Variants in APLP2 observed in about 807,000 individuals in gnomAD.
APLP2 encodes the protein amyloid beta precursor like protein 2.
APLP2 carries 53 observed loss-of-function variants against 89.9 expected under a neutral mutation model. The ratio of observed to expected loss-of-function variants is 0.59; its 90% CI spans 0.47 to 0.74. The LOEUF (loss-of-function observed/expected upper bound fraction) is 0.74. Ranked by LOEUF, APLP2 falls within the 30% of genes least tolerant of loss-of-function variation. The pLI, the probability that APLP2 is intolerant of heterozygous loss-of-function variation, is 0.00. For synonymous variants in APLP2, 372 were observed against 348.6 expected (o/e 1.07, Z -0.75); for missense variants, 973 against 975.9 (o/e 1.00, Z 0.04).
At chr11:130,124,778 G>A (rs944147595) in intron 7 of APLP2, among the ~76,000 whole-genome samples, 5 of 152,186 alleles carry the variant, frequency 3.3e-5, no homozygotes, top group African/African-American at 4.8e-5. Flanking sequence ...CAGGAAAGCT[G>A]TTTTTATTCG....
intron 1 of APLP2, among the ~76,000 whole-genome samples, chr11:130,088,863 C>T (rs1944489251): frequency 6.6e-6 from 1 of 151,846 alleles, no homozygotes; most frequent in African/African-American, 2.4e-5. Context: ...GTGGTTCTGC[C>T]TAATCTCTAG....
chr11:130,082,735 G>A, intron 1 of APLP2: 1 of 235,212 alleles, frequency 4.3e-6, no homozygotes, highest in Non-Finnish European at 8.8e-6. Flanking sequence ...GGACAGCCTA[G>A]TTTTGTTAGA....
chr11:130,090,793 G>A (rs867780369), intron 1 of APLP2, among the ~76,000 whole-genome samples: 1 of 152,192 alleles, frequency 6.6e-6, no homozygotes, highest in Admixed American at 6.5e-5. Context: ...CCTCCCAGAC[G>A]GGGTGGTGGC....
chr11:130,071,473 T>C (rs1432181290), intron 1 of APLP2, among the ~76,000 whole-genome samples: 4 of 146,286 alleles, frequency 2.7e-5, no homozygotes, highest in African/African-American at 8.3e-5. Context: ...ATCCCTGATA[T>C]GTCGCATGAA....
intron 1 of APLP2, among the ~76,000 whole-genome samples, chr11:130,091,443 G>A (rs1177808131): frequency 2.2e-5 from 3 of 138,872 alleles, no homozygotes; most frequent in Admixed American, 6.8e-5. Flanking sequence ...AGGGGCGGCC[G>A]GGCAGAGGCG....
rs1261183815 is a variant in APLP2 at position 130,109,712 on chromosome 11, G to A, written c.279+110G>A. Reference sequence around the variant, plus strand: ...TTCTCTTTTGACCTAAGACCAAGATGCTAATGACTGGAGCCCCAAGCCTTT... The same window carrying A: ...TTCTCTTTTGACCTAAGACCAAGATACTAATGACTGGAGCCCCAAGCCTTT... On this transcript the variant is annotated intron_variant, in intron 2 of 16. Coordinates refer to ENST00000338167, the MANE Select transcript of APLP2 (RefSeq NM_001142276.2). 5 of 1,199,728 alleles carry A rather than the reference G, an allele frequency of 4.2e-6. No individual in the cohort carries two copies. The African/African-American group carries it at 7.9e-5, about 19-fold the overall frequency. The allele number at this position is 1,199,728 out of a possible 1,614,324, so 74.3% of individuals were successfully genotyped here.
At chr11:130,108,131 A>G (rs535587682) in intron 1 of APLP2, among the ~76,000 whole-genome samples, 113 of 152,338 alleles carry the variant, frequency 7.4e-4, no homozygotes, top group African/African-American at 2.5e-3. Context: ...AACCTAGGCA[A>G]TACCATTCAG....
At chr11:130,119,137 A>G (rs1468446200) in intron 3 of APLP2, among the ~76,000 whole-genome samples, 1 of 152,132 alleles carries the variant, frequency 6.6e-6, no homozygotes, top group African/African-American at 2.4e-5. Context: ...GCTGGGCCCT[A>G]AGCCCTTTCT....
chr11:130,109,310 A>G, intron 1 of APLP2, 119 bp from the exon 2 acceptor site: 1 of 875,402 alleles, frequency 1.1e-6, no homozygotes, highest in Non-Finnish European at 1.7e-6. Context: ...GTTTGTGAAG[A>G]TACAAATAGT....
At chr11:130,075,953 A>G (rs559469974) in intron 1 of APLP2, among the ~76,000 whole-genome samples, 9 of 152,360 alleles carry the variant, frequency 5.9e-5, no homozygotes, top group South Asian at 2.1e-4. Flanking sequence ...CATATGGTTA[A>G]TAGTGACCCT....
intron 3 of APLP2, 61 bp downstream of exon 3, chr11:130,110,722 T>C: frequency 6.6e-7 from 1 of 1,517,196 alleles, no homozygotes; most frequent in Non-Finnish European, 8.8e-7. Context: ...AATTTAATTT[T>C]CTCTTGGCTC....
In APLP2 at chr11:130,143,503, C is replaced by G; in HGVS notation, c.*55C>G. On this transcript the variant is annotated 3_prime_UTR_variant, in exon 17 of 17. Transcript: ENST00000338167. ...GGGATGCAGGTGGGCCGGAAGATCC[C>G]ACGATTCCGATCGACTGCCAAGCAG... The G allele has an allele frequency of 1.4e-6, 2 of 1,465,750 alleles. No individual in the cohort carries two copies. The allele number at this position is 1,465,750 out of a possible 1,614,324, so 90.8% of individuals were successfully genotyped here. A position where few individuals can be genotyped will look rare whatever the true frequency, so the allele number is the denominator to read the frequency against.
At position 130,120,838 on chromosome 11, in the gene APLP2, A is replaced by C; in HGVS notation, c.516+20A>C. 1 of 1,550,408 alleles carries C rather than the reference A, an allele frequency of 6.4e-7. No individual in the cohort carries two copies. Among genetic ancestry groups the C allele is most frequent in the South Asian group, 1.1e-5 (1 of 89,730 alleles). ...AAAGAGGTAAGAGAACTCGGGGGGA[A>C]AGTCAGCTGCTGTTGTATCTGTTAG... On this transcript the variant is annotated intron_variant, in intron 4 of 16. Coordinates refer to ENST00000338167, the MANE Select transcript of APLP2 (RefSeq NM_001142276.2).
chr11:130,095,351 GAC>G (rs1422454077), intron 1 of APLP2, among the ~76,000 whole-genome samples: 1 of 152,242 alleles, frequency 6.6e-6, no homozygotes. Context: ...CAGTTTGGGT[GAC>G]AGAGAGAGAC....
chr11:130,130,179 TA>T lies in APLP2; in HGVS notation c.1584+14del, dbSNP rs1950787551. Reference sequence around the variant, plus strand: ...GATGAAATCCCAGGTACAGTAGATGTAGTAGAAATTGCTGCCGTGAGGGCAT... The same window carrying T: ...GATGAAATCCCAGGTACAGTAGATGTGTAGAAATTGCTGCCGTGAGGGCAT... On this transcript the variant is annotated intron_variant, in intron 11 of 16. Transcript: ENST00000338167. 2 of 1,614,104 alleles carry T rather than the reference TA, an allele frequency of 1.2e-6. No individual in the cohort carries two copies. Among genetic ancestry groups the T allele is most frequent in the Non-Finnish European group, 8.5e-7 (1 of 1,180,032 alleles).
intron 3 of APLP2, among the ~76,000 whole-genome samples, chr11:130,115,793 C>G (rs1778833413): frequency 6.6e-6 from 1 of 152,134 alleles, no homozygotes; most frequent in Non-Finnish European, 1.5e-5. Flanking sequence ...AAAATTGTAG[C>G]AAAGGCAGAG....
Position 130,123,107 on chromosome 11 carries a change from A to T in APLP2, c.923-505A>T, listed in dbSNP as rs1254793813. 6.6e-6 allele frequency among the ~76,000 whole-genome samples: 1 copy of T among 152,118 alleles called. No homozygotes were observed. The highest frequency in any genetic ancestry group is 1.5e-5 in the Non-Finnish European group (1 of 68,028). On this transcript the variant is annotated intron_variant, in intron 6 of 16. Coordinates refer to ENST00000338167, the MANE Select transcript of APLP2 (RefSeq NM_001142276.2). This position sits in a 1 kb window ranked among gnomAD's most constrained non-coding sequence, Gnocchi z 4.0. ...ATTTGAAACCAATTAAGATGCGAAG[A>T]ATTATTTAGGACCCAAGTTGGGGGA...
intron 10 of APLP2, 98 bp from the exon 11 acceptor site, chr11:130,129,940 A>T: frequency 7.3e-7 from 1 of 1,370,416 alleles, no homozygotes. Flanking sequence ...TGCCTAGCTG[A>T]GCTTTACATT....
chr11:130,131,528 C>CTGG (rs1178555576), intron 11 of APLP2, among the ~76,000 whole-genome samples: 24 of 152,286 alleles, frequency 1.6e-4, no homozygotes, highest in African/African-American at 5.8e-4. Context: ...TAAGGGGCAT[C>CTGG]TGGTGTGGGC....
Sources: gnomAD v4.1 joint callset for allele counts (sites outside exome capture counted in the v4.1 genomes callset) on GRCh38, gnomAD v4.1.1 for gene constraint, Gnocchi (gnomAD v3.1) non-coding constraint, MANE v1.5 for transcripts, NCBI Gene and HGNC (gene_info 2026-07-23, HGNC 2026-07-21) for gene names.